Variants in URI1 observed in about 807,000 individuals in gnomAD.
URI1 encodes the protein URI1 prefoldin like chaperone.
URI1 carries 39 observed loss-of-function variants against 60.2 expected under a neutral mutation model. The ratio of observed to expected loss-of-function variants is 0.65; its 90% confidence interval spans 0.50 to 0.85. URI1 has a LOEUF of 0.85. Among genes scored for constraint, URI1 ranks in the 40% least tolerant of loss-of-function variants. The probability of loss-of-function intolerance (pLI) is 0.00; values close to 1 mark genes in which losing one functional copy is unlikely to be tolerated. For synonymous variants in URI1, 251 were observed against 236.8 expected (o/e 1.06, Z -0.55); for missense variants, 691 against 665.9 (o/e 1.04, Z -0.42).
At position 29,962,686 on chromosome 19, in the gene URI1, CT is replaced by C. The variant is rs201098772; in HGVS notation, c.118-8499del. ...GAGTCCTTTTTGTTGTTGTTGCTGT[CT>C]TTTTTTTAACCGATCACACTTATTT... On this transcript the variant is annotated intron_variant, in intron 1 of 10. Transcript: ENST00000392271. 3.6e-3 allele frequency among the ~76,000 whole-genome samples: 530 copies of C among 148,644 alleles called. 5 individuals are homozygous for C. The highest frequency in any genetic ancestry group is 0.013 in the African/African-American group (512 of 40,392).
At chr19:29,956,886 G>T in intron 1 of URI1, 3 of 1,387,518 alleles carry the variant, frequency 2.2e-6, no homozygotes, top group African/African-American at 1.4e-5. Flanking sequence ...AAGTCCTTCC[G>T]CAGGGTTCCT....
At chr19:30,005,992 A>G (rs936803359) in intron 6 of URI1, among the ~76,000 whole-genome samples, 5 of 152,108 alleles carry the variant, frequency 3.3e-5, no homozygotes, top group African/African-American at 1.2e-4. Flanking sequence ...CAGAAGATGT[A>G]TATTCTAGAC....
intron 4 of URI1, among the ~76,000 whole-genome samples, chr19:29,998,500 GGTAT>G (rs1216902093): frequency 6.6e-6 from 1 of 151,986 alleles, no homozygotes; most frequent in Non-Finnish European, 1.5e-5. Context: ...AGCTCTGTTA[GGTAT>G]GTATGTATTT....
At chr19:29,964,467 T>G (rs1241056756) in intron 1 of URI1, among the ~76,000 whole-genome samples, 2 of 148,894 alleles carry the variant, frequency 1.3e-5, no homozygotes, top group African/African-American at 2.5e-5. Context: ...TTGTTTTGTT[T>G]TTTTTTTTTT....
intron 1 of URI1, among the ~76,000 whole-genome samples, chr19:29,934,690 C>G (rs534376556): frequency 2.8e-4 from 43 of 152,142 alleles, no homozygotes; most frequent in Middle Eastern, 3.2e-3. Context: ...CATGTGCCAC[C>G]AAACCTGGCT....
At chr19:29,987,675 A>G (rs1395207813) in intron 4 of URI1, among the ~76,000 whole-genome samples, 1 of 152,174 alleles carries the variant, frequency 6.6e-6, no homozygotes, top group Non-Finnish European at 1.5e-5. Context: ...CAGTGAAAAA[A>G]ATCTTTATAA....
chr19:30,000,156 G>C (rs1384775573), intron 4 of URI1, among the ~76,000 whole-genome samples: 1 of 151,542 alleles, frequency 6.6e-6, no homozygotes, highest in Non-Finnish European at 1.5e-5. Flanking sequence ...TTTTGTTCTT[G>C]TACAGGCTTT....
At chr19:30,012,154 A>G (rs535680341) in intron 9 of URI1, 131 bp from the exon 10 acceptor site, 21 of 1,067,748 alleles carry the variant, frequency 2.0e-5, no homozygotes, top group Middle Eastern at 3.2e-4. Flanking sequence ...GATTGTGACT[A>G]TTTTAGATAT....
chr19:29,988,661 C>T lies in URI1; in HGVS notation c.367+2244C>T, dbSNP rs183141548. ...GTTACATGCATATCTATTAAATGCA[C>T]GTACAGCAGTTTTTCCATTCACCTT... On this transcript the variant is annotated intron_variant, in intron 4 of 10. Transcript: ENST00000392271. Among the ~76,000 whole-genome samples the T allele has an allele frequency of 6.5e-4, 99 of 152,306 alleles. 1 individual carries two copies. Among genetic ancestry groups the T allele is most frequent in the Admixed American group, 1.5e-3 (23 of 15,300 alleles).
intron 1 of URI1, among the ~76,000 whole-genome samples, chr19:29,964,182 T>G (rs2055360405): frequency 6.6e-6 from 1 of 152,178 alleles, no homozygotes; most frequent in East Asian, 1.9e-4. Context: ...GATGATCAGC[T>G]CACTTCTCCA....
Position 30,015,704 on chromosome 19 carries a change from C to CA in URI1, c.*640dup. 1.0e-6 allele frequency: 1 copy of CA among 971,568 alleles called. No homozygotes were observed. Among genetic ancestry groups the CA allele is most frequent in the Non-Finnish European group, 1.5e-6 (1 of 667,110 alleles). The allele number at this position is 971,568 out of a possible 1,614,324, so 60.2% of individuals were successfully genotyped here. On this transcript the variant is annotated 3_prime_UTR_variant, in exon 11 of 11. Transcript: ENST00000392271. ...GTAAAAACTTTATGAAACTTGGTCT[C>CA]AAAAATGTTGTGAACTTTATGATTC...
intron 4 of URI1, among the ~76,000 whole-genome samples, chr19:29,994,082 T>C (rs1022190731): frequency 1.3e-5 from 2 of 152,116 alleles, no homozygotes; most frequent in Non-Finnish European, 2.9e-5. Context: ...TGTGTGTGTG[T>C]GTATCATTTG....
At chr19:29,958,690 C>T (rs1318891887) in intron 1 of URI1, among the ~76,000 whole-genome samples, 2 of 151,294 alleles carry the variant, frequency 1.3e-5, no homozygotes, top group African/African-American at 4.9e-5. Context: ...CAGGGTGCTG[C>T]GGCTCACACC....
chr19:29,924,470 A>T lies in URI1; in HGVS notation c.63+716A>T, dbSNP rs147114473. Among the ~76,000 whole-genome samples the T allele has an allele frequency of 1.3e-3, 205 of 152,240 alleles. 2 individuals are homozygous for T. Among genetic ancestry groups the T allele is most frequent in the Middle Eastern group, 0.01 (3 of 294 alleles). On this transcript the variant is annotated intron_variant, in intron 1 of 10. Transcript: ENST00000360605. The stretch of plus-strand genomic sequence containing the variant: ...ACGTGCATTATAGGGGGTTTCTGTC[A>T]TTTTTTAGCCACCTCGCTTTCATCC...
At chr19:29,998,212 C>T (rs1198208132) in intron 4 of URI1, among the ~76,000 whole-genome samples, 1 of 152,156 alleles carries the variant, frequency 6.6e-6, no homozygotes, top group East Asian at 1.9e-4. Flanking sequence ...TGATTTCAAT[C>T]TTGTTAAATT....
chr19:29,972,207 G>A (rs1281636374), intron 2 of URI1, among the ~76,000 whole-genome samples: 1 of 151,934 alleles, frequency 6.6e-6, no homozygotes, highest in Non-Finnish European at 1.5e-5. Flanking sequence ...CTATTGGCTT[G>A]CAGAAAATAA....
intron 1 of URI1, among the ~76,000 whole-genome samples, chr19:29,926,065 T>TCTTTCCTTCCTTCCTTCCTTCCTC (rs2054863027): frequency 6.6e-6 from 1 of 152,080 alleles, no homozygotes; most frequent in Non-Finnish European, 1.5e-5. Context: ...CAATCTTCCT[T>TCTTTCCTTCCTTCCTTCCTTCCTC]CTTTCCTTCC....
intron 1 of URI1, among the ~76,000 whole-genome samples, chr19:29,955,764 T>C (rs1220323287): frequency 6.6e-6 from 1 of 151,818 alleles, no homozygotes; most frequent in Non-Finnish European, 1.5e-5. Context: ...CTAATTTTTA[T>C]ATTTTTAGTT....
In URI1 at chr19:30,015,599, A is replaced by G; in HGVS notation, c.*530A>G. 1 of 1,528,476 alleles carries G rather than the reference A, an allele frequency of 6.5e-7. No homozygotes were observed. The highest frequency in any genetic ancestry group is 8.8e-7 in the Non-Finnish European group (1 of 1,142,454). 94.7% of individuals were successfully genotyped at this position (1,528,476 alleles called of 1,614,324 possible). A position where few individuals can be genotyped will look rare whatever the true frequency, so the allele number is the denominator to read the frequency against. On this transcript the variant is annotated 3_prime_UTR_variant, in exon 11 of 11. Transcript: ENST00000392271. ...TCTGAATGTCATACTGTAATCTTTA[A>G]GGAAGAAAGCTACATGAATTAATTG...
Sources: gnomAD v4.1 joint callset for allele counts (sites outside exome capture counted in the v4.1 genomes callset) on GRCh38, gnomAD v4.1.1 for gene constraint, MANE v1.5 for transcripts, NCBI Gene and HGNC (gene_info 2026-07-23, HGNC 2026-07-21) for gene names.